Variants in SMYD3 observed in about 807,000 individuals in gnomAD.
SMYD3 encodes histone-lysine N-methyltransferase SMYD3.
Under a neutral mutation model 57.7 loss-of-function variants are expected in SMYD3, and 36 were observed. That is an observed-to-expected ratio of 0.62 (90% CI 0.48 to 0.82). The LOEUF (loss-of-function observed/expected upper bound fraction) is 0.82, where lower values mean the gene tolerates loss of function less well. Ranked by LOEUF, SMYD3 falls within the 40% of genes least tolerant of loss-of-function variation. SMYD3 has a pLI of 0.00. For missense variants in SMYD3, 515 were observed against 538.8 expected (o/e 0.96, Z 0.44); for synonymous variants, 211 against 195.0 (o/e 1.08, Z -0.68).
intron 1 of SMYD3, among the ~76,000 whole-genome samples, chr1:246,460,780 G>A (rs2067786086): frequency 6.6e-6 from 1 of 152,188 alleles, no homozygotes; most frequent in East Asian, 1.9e-4. Flanking sequence ...ATTCCGTCTT[G>A]TTTATAGTTT....
chr1:246,311,216 C>A (rs947921012), intron 5 of SMYD3, among the ~76,000 whole-genome samples: 2 of 152,160 alleles, frequency 1.3e-5, no homozygotes, highest in African/African-American at 4.8e-5. Context: ...TTTAACTATA[C>A]AGAACATAAT....
intron 5 of SMYD3, among the ~76,000 whole-genome samples, chr1:246,130,079 A>C (rs1233788998): frequency 2.0e-5 from 3 of 152,224 alleles, no homozygotes; most frequent in Non-Finnish European, 4.4e-5. Flanking sequence ...ATCCTCAGAA[A>C]ACAGGTTCCC....
chr1:245,966,123 A>G (rs936115713), intron 5 of SMYD3, among the ~76,000 whole-genome samples: 1 of 152,044 alleles, frequency 6.6e-6, no homozygotes, highest in African/African-American at 2.4e-5. Flanking sequence ...TTTCTTCTTC[A>G]TCATAATTAT....
intron 5 of SMYD3, among the ~76,000 whole-genome samples, chr1:246,245,994 G>A (rs898263136): frequency 6.6e-6 from 1 of 152,206 alleles, no homozygotes; most frequent in East Asian, 1.9e-4. Context: ...GGTGACAGTG[G>A]TGATGAAATC....
At chr1:245,903,140 G>A (rs77406014) in intron 8 of SMYD3, among the ~76,000 whole-genome samples, 3,084 of 152,150 alleles carry the variant, frequency 0.02, 114 homozygotes, top group African/African-American at 0.071. Flanking sequence ...AAGAGATATC[G>A]TAAAAAGAAC....
chr1:246,221,790 C>T (rs1326393348), intron 5 of SMYD3, among the ~76,000 whole-genome samples: 1 of 152,126 alleles, frequency 6.6e-6, no homozygotes, highest in Non-Finnish European at 1.5e-5. Flanking sequence ...CCCTTTGAAG[C>T]ACGGGATCCA....
At chr1:246,256,486 G>C (rs545532256) in intron 5 of SMYD3, among the ~76,000 whole-genome samples, 1 of 152,244 alleles carries the variant, frequency 6.6e-6, no homozygotes, top group South Asian at 2.1e-4. Flanking sequence ...GTTCATAATA[G>C]TCTCTGAGGA....
intron 10 of SMYD3, among the ~76,000 whole-genome samples, chr1:245,814,821 C>T (rs760191635): frequency 4.6e-5 from 7 of 151,666 alleles, no homozygotes; most frequent in East Asian, 3.9e-4. Context: ...CACACACACA[C>T]GCACGCACAC....
intron 5 of SMYD3, among the ~76,000 whole-genome samples, chr1:246,018,884 A>C (rs952097464): frequency 2.6e-5 from 4 of 152,082 alleles, no homozygotes; most frequent in Non-Finnish European, 4.4e-5. Context: ...GATTACAGGC[A>C]TGAGCCACCA....
chr1:245,958,357 T>C (rs1258934775), intron 5 of SMYD3, among the ~76,000 whole-genome samples: 1 of 152,142 alleles, frequency 6.6e-6, no homozygotes, highest in Non-Finnish European at 1.5e-5. Flanking sequence ...CTGCATCCTT[T>C]CCTCACCCTT....
intron 5 of SMYD3, among the ~76,000 whole-genome samples, chr1:246,272,569 T>C (rs939886719): frequency 6.6e-6 from 1 of 152,216 alleles, no homozygotes; most frequent in African/African-American, 2.4e-5. Flanking sequence ...ACAATCTGTT[T>C]ATATGATATA....
At chr1:246,097,203 TTTA>T (rs1276249029) in intron 5 of SMYD3, among the ~76,000 whole-genome samples, 1 of 152,194 alleles carries the variant, frequency 6.6e-6, no homozygotes, top group Non-Finnish European at 1.5e-5. Context: ...TCCCTTTACA[TTTA>T]TTGTTTCCTT....
At chr1:246,227,115 A>G (rs2063341634) in intron 5 of SMYD3, among the ~76,000 whole-genome samples, 1 of 152,210 alleles carries the variant, frequency 6.6e-6, no homozygotes, top group East Asian at 1.9e-4. Flanking sequence ...CCAACGTCCC[A>G]TATACTTTGT....
intron 5 of SMYD3, among the ~76,000 whole-genome samples, chr1:245,997,033 T>C (rs913000130): frequency 6.6e-6 from 1 of 152,240 alleles, no homozygotes; most frequent in Non-Finnish European, 1.5e-5. Flanking sequence ...GGTATGCGCA[T>C]ATGCTGCGTT....
chr1:246,371,034 C>T (rs2066183647), intron 1 of SMYD3, among the ~76,000 whole-genome samples: 1 of 152,080 alleles, frequency 6.6e-6, no homozygotes, highest in Non-Finnish European at 1.5e-5. Flanking sequence ...TTTGAAAAGA[C>T]TATTAAATAT....
chr1:246,427,096 G>C (rs1229053558), intron 1 of SMYD3, among the ~76,000 whole-genome samples: 2 of 152,092 alleles, frequency 1.3e-5, no homozygotes, highest in Non-Finnish European at 2.9e-5. Context: ...AGCCATCCAG[G>C]TATGTAAACA....
chr1:245,773,871 A>C (rs549575109), intron 10 of SMYD3, among the ~76,000 whole-genome samples: 1 of 152,334 alleles, frequency 6.6e-6, no homozygotes, highest in African/African-American at 2.4e-5. Flanking sequence ...CAAGCCCTCC[A>C]AAGATGGTCA....
chr1:245,837,452 T>C (rs1370379244), intron 10 of SMYD3, among the ~76,000 whole-genome samples: 1 of 152,032 alleles, frequency 6.6e-6, no homozygotes, highest in African/African-American at 2.4e-5. Context: ...AGAGGCATTC[T>C]ATGGCCTGAA....
chr1:246,143,705 A>C (rs1489324601), intron 5 of SMYD3, among the ~76,000 whole-genome samples: 1 of 152,112 alleles, frequency 6.6e-6, no homozygotes, highest in Non-Finnish European at 1.5e-5. Context: ...GCACTATATG[A>C]ATCATCATAA....
Sources: gnomAD v4.1 joint callset for allele counts (sites outside exome capture counted in the v4.1 genomes callset) on GRCh38, gnomAD v4.1.1 for gene constraint, MANE v1.5 for transcripts, NCBI Gene and HGNC (gene_info 2026-07-23, HGNC 2026-07-21) for gene names.